The following SPOCK1 variants were observed in gnomAD, a reference collection of about 807,000 sequenced individuals.
The protein encoded by SPOCK1 is SPARC (osteonectin), cwcv and kazal like domains proteoglycan 1.
SPOCK1 carries 23 observed loss-of-function variants against 55.3 expected under a neutral mutation model. The observed-to-expected ratio is 0.42, with a 90% confidence interval of 0.30 to 0.59. The LOEUF (loss-of-function observed/expected upper bound fraction) is 0.59. SPOCK1 is among the 20% of genes least tolerant of loss of function. The probability of loss-of-function intolerance (pLI) is 0.22; values close to 1 mark genes in which losing one functional copy is unlikely to be tolerated. For synonymous variants in SPOCK1, 226 were observed against 221.0 expected (o/e 1.02, Z -0.20); for missense variants, 499 against 552.5 (o/e 0.90, Z 0.97).
intron 2 of SPOCK1, among the ~76,000 whole-genome samples, chr5:137,481,818 C>G (rs530586670): frequency 6.6e-6 from 1 of 152,336 alleles, no homozygotes; most frequent in South Asian, 2.1e-4. Context: ...GTTTTCTTCC[C>G]TGTCTTCCAT....
intron 5 of SPOCK1, among the ~76,000 whole-genome samples, chr5:137,111,419 G>T (rs1753467777): frequency 6.6e-6 from 1 of 151,802 alleles, no homozygotes. Flanking sequence ...AGATGGGGAG[G>T]GCAAGAGCTC....
chr5:137,193,974 A>T (rs189227236), intron 3 of SPOCK1, among the ~76,000 whole-genome samples: 2,225 of 152,284 alleles, frequency 0.015, 63 homozygotes, highest in African/African-American at 0.051. Flanking sequence ...GCAATCATGT[A>T]GGTAACCTAT....
At chr5:137,449,496 G>T (rs1054035509) in intron 2 of SPOCK1, among the ~76,000 whole-genome samples, 1 of 152,188 alleles carries the variant, frequency 6.6e-6, no homozygotes, top group African/African-American at 2.4e-5. Flanking sequence ...GCATCACAGA[G>T]ATGGGCTCTG....
chr5:137,179,358 C>T (rs1035484425), intron 3 of SPOCK1, among the ~76,000 whole-genome samples: 1 of 152,162 alleles, frequency 6.6e-6, no homozygotes, highest in Non-Finnish European at 1.5e-5. Context: ...CAGCCATTTG[C>T]TCTCCCTTAA....
At chr5:137,256,342 A>C (rs1397664739) in intron 3 of SPOCK1, among the ~76,000 whole-genome samples, 1 of 152,166 alleles carries the variant, frequency 6.6e-6, no homozygotes, top group African/African-American at 2.4e-5. Context: ...GCTGTAATAG[A>C]GTATCATAGA....
At chr5:137,065,450 A>G (rs1330002793) in intron 6 of SPOCK1, among the ~76,000 whole-genome samples, 1 of 152,192 alleles carries the variant, frequency 6.6e-6, no homozygotes, top group Admixed American at 6.5e-5. Context: ...TCATGGAAAG[A>G]ATCGTACCAA....
intron 6 of SPOCK1, among the ~76,000 whole-genome samples, chr5:137,041,144 GA>G (rs1049531315): frequency 1.3e-5 from 2 of 151,670 alleles, no homozygotes; most frequent in African/African-American, 2.4e-5. Flanking sequence ...GGTTGTGGTG[GA>G]AAAAAAATAA....
chr5:137,256,401 G>A (rs1182011055), intron 3 of SPOCK1, among the ~76,000 whole-genome samples: 1 of 152,212 alleles, frequency 6.6e-6, no homozygotes, highest in Non-Finnish European at 1.5e-5. Context: ...TGGTTCTGGA[G>A]TCTGAGAAGT....
intron 2 of SPOCK1, among the ~76,000 whole-genome samples, chr5:137,317,370 C>T (rs940922922): frequency 2.0e-5 from 3 of 152,050 alleles, no homozygotes; most frequent in Admixed American, 6.5e-5. Flanking sequence ...TGGTGGTCTC[C>T]AACCTTCAGG....
intron 6 of SPOCK1, among the ~76,000 whole-genome samples, chr5:137,067,503 T>C (rs1277289646): frequency 6.6e-6 from 1 of 152,212 alleles, no homozygotes; most frequent in Non-Finnish European, 1.5e-5. Flanking sequence ...GATATCCTGG[T>C]CTAACAGGAT....
At chr5:137,082,189 C>A (rs1752886964) in intron 5 of SPOCK1, among the ~76,000 whole-genome samples, 1 of 152,206 alleles carries the variant, frequency 6.6e-6, no homozygotes, top group East Asian at 1.9e-4. Context: ...AGAACTACAG[C>A]CCCAGTGATC....
chr5:137,100,875 GA>G (rs57089475), intron 5 of SPOCK1, among the ~76,000 whole-genome samples: 26,739 of 147,100 alleles, frequency 0.18, 2,506 homozygotes, highest in Non-Finnish European at 0.21. Context: ...TCCGAAAGGG[GA>G]AAAAAAAAAA....
At chr5:137,403,144 A>G (rs966372958) in intron 2 of SPOCK1, among the ~76,000 whole-genome samples, 1 of 152,206 alleles carries the variant, frequency 6.6e-6, no homozygotes, top group Non-Finnish European at 1.5e-5. Flanking sequence ...TTTACAGAGA[A>G]AGAGATAAAA....
chr5:136,987,471 A>G (rs911174553), intron 8 of SPOCK1, among the ~76,000 whole-genome samples: 2 of 152,202 alleles, frequency 1.3e-5, no homozygotes, highest in Non-Finnish European at 2.9e-5. Flanking sequence ...GTATTCTCAT[A>G]TATCTTTGGT....
intron 4 of SPOCK1, among the ~76,000 whole-genome samples, chr5:137,123,156 C>T (rs1436183635): frequency 6.6e-6 from 1 of 152,200 alleles, no homozygotes; most frequent in African/African-American, 2.4e-5. Context: ...CGCACCATTA[C>T]TTATCCCCTG....
At chr5:137,263,804 T>C (rs1167334195) in intron 3 of SPOCK1, among the ~76,000 whole-genome samples, 1 of 152,142 alleles carries the variant, frequency 6.6e-6, no homozygotes, top group Non-Finnish European at 1.5e-5. Flanking sequence ...CTGAAGTTGA[T>C]GGCCATTATA....
chr5:137,330,408 A>C (rs1283922683), intron 2 of SPOCK1, among the ~76,000 whole-genome samples: 2 of 152,172 alleles, frequency 1.3e-5, no homozygotes, highest in Non-Finnish European at 2.9e-5. Flanking sequence ...TCACTCCTTA[A>C]ATGCATCAGC....
intron 6 of SPOCK1, among the ~76,000 whole-genome samples, chr5:137,042,509 G>A (rs2126992510): frequency 6.6e-6 from 1 of 152,270 alleles, no homozygotes; most frequent in Admixed American, 6.5e-5. Context: ...AATGCAGAAT[G>A]TGACACAGTA....
chr5:137,094,142 G>T (rs1458366090), intron 5 of SPOCK1, among the ~76,000 whole-genome samples: 1 of 152,192 alleles, frequency 6.6e-6, no homozygotes, highest in African/African-American at 2.4e-5. Context: ...TGACTCCAGA[G>T]ATTTGGCCTG....
Sources: gnomAD v4.1 joint callset for allele counts (sites outside exome capture counted in the v4.1 genomes callset) on GRCh38, gnomAD v4.1.1 for gene constraint, MANE v1.5 for transcripts, NCBI Gene and HGNC (gene_info 2026-07-23, HGNC 2026-07-21) for gene names.